The following CGGBP1 variants were observed in gnomAD, a reference collection of about 807,000 sequenced individuals.
CGGBP1 encodes the protein CGG triplet repeat binding protein 1.
CGGBP1 carries 4 observed loss-of-function variants against 11.4 expected under a neutral mutation model. The ratio of observed to expected loss-of-function variants is 0.35; its 90% CI spans 0.17 to 0.80. The LOEUF (loss-of-function observed/expected upper bound fraction) is 0.80. CGGBP1 is among the 30% of genes least tolerant of loss of function. CGGBP1 has a pLI of 0.52. For synonymous variants in CGGBP1, 76 were observed against 74.1 expected, an observed-to-expected ratio of 1.03 and a Z score of -0.13; for missense variants, 135 against 202.1, an observed-to-expected ratio of 0.67 and a Z score of 2.01.
chr3:88,139,476 A>C, intron 2 of CGGBP1: 1 of 1,613,800 alleles, frequency 6.2e-7, no homozygotes, highest in African/African-American at 1.3e-5. Flanking sequence ...GAGGCAGCAA[A>C]TTGCTGCAGC....
intron 2 of CGGBP1, among the ~76,000 whole-genome samples, chr3:88,089,886 A>G (rs1708542856): frequency 6.6e-6 from 1 of 152,212 alleles, no homozygotes; most frequent in South Asian, 2.1e-4. Context: ...GATGTTTCAT[A>G]TGAGATGGTG....
At chr3:88,083,578 C>T (rs1708189207) in intron 2 of CGGBP1, among the ~76,000 whole-genome samples, 1 of 152,114 alleles carries the variant, frequency 6.6e-6, no homozygotes, top group African/African-American at 2.4e-5. Flanking sequence ...TAAATATTCA[C>T]TACAGTAATG....
intron 2 of CGGBP1, among the ~76,000 whole-genome samples, chr3:88,102,972 A>G (rs1704519287): frequency 6.6e-6 from 1 of 151,934 alleles, no homozygotes; most frequent in African/African-American, 2.4e-5. Flanking sequence ...ATAGTTTTTA[A>G]ATCCTACCCT....
chr3:88,099,499 A>G (rs1704272456), intron 2 of CGGBP1, among the ~76,000 whole-genome samples: 1 of 152,180 alleles, frequency 6.6e-6, no homozygotes, highest in Non-Finnish European at 1.5e-5. Context: ...ACGGAACCAA[A>G]AAAGAGCCCG....
At chr3:88,126,003 A>G (rs1412461005) in intron 2 of CGGBP1, 3 of 1,009,638 alleles carry the variant, frequency 3.0e-6, no homozygotes, top group East Asian at 2.7e-5. Context: ...TTAGGTTACA[A>G]TAGTAACCCT....
chr3:88,108,687 G>A (rs540868833), intron 2 of CGGBP1, among the ~76,000 whole-genome samples: 1 of 152,236 alleles, frequency 6.6e-6, no homozygotes, highest in East Asian at 1.9e-4. Flanking sequence ...ACTATCATGA[G>A]TATCACAGTG....
chr3:88,135,865 A>G (rs1437862588), intron 2 of CGGBP1, among the ~76,000 whole-genome samples: 1 of 152,140 alleles, frequency 6.6e-6, no homozygotes, highest in Admixed American at 6.5e-5. Flanking sequence ...TAGCACCATT[A>G]AACTGAATCT....
At chr3:88,063,346 C>T (rs1706996649), upstream of CGGBP1, among the ~76,000 whole-genome samples, 1 of 151,924 alleles carries the variant, frequency 6.6e-6, no homozygotes, top group South Asian at 2.1e-4. Flanking sequence ...TAATGATCCT[C>T]AAATAGTTTT....
chr3:88,133,826 A>G (rs1706606821), intron 2 of CGGBP1, among the ~76,000 whole-genome samples: 1 of 152,194 alleles, frequency 6.6e-6, no homozygotes, highest in African/African-American at 2.4e-5. Flanking sequence ...ACATTGAGAA[A>G]GAATGATAAA....
At position 88,134,990 on chromosome 3, in the gene CGGBP1, G is replaced by A. The variant is rs1485654562; in HGVS notation, c.-229+5980C>T. On this transcript the variant is annotated intron_variant, in intron 2 of 3. Transcript: ENST00000462901. Reference sequence around the variant, plus strand: ...TCCCAGCCAGGGCACTATAGAATCAGGGAAAGATAGCTAATGTCTGTATTT... The same window carrying A: ...TCCCAGCCAGGGCACTATAGAATCAAGGAAAGATAGCTAATGTCTGTATTT... The A allele has an allele frequency of 4.5e-6, 5 of 1,119,328 alleles. No homozygotes were observed. In the Admixed American group the frequency reaches 1.2e-4, roughly 26 times the overall value. The allele number at this position is 1,119,328 out of a possible 1,614,324, so 69.3% of individuals were successfully genotyped here.
At chr3:88,083,042 ACTC>A (rs1265540289) in intron 2 of CGGBP1, among the ~76,000 whole-genome samples, 6 of 122,090 alleles carry the variant, frequency 4.9e-5, no homozygotes, top group South Asian at 2.5e-4. Flanking sequence ...ACTCCTCCTC[ACTC>A]CTCCTCCCTC....
intron 2 of CGGBP1, among the ~76,000 whole-genome samples, chr3:88,065,797 G>A (rs1707162682): frequency 6.6e-6 from 1 of 152,062 alleles, no homozygotes; most frequent in African/African-American, 2.4e-5. Flanking sequence ...TGCCATCTAG[G>A]CTCACTGCAA....
At chr3:88,084,543 G>T (rs1342165859) in intron 2 of CGGBP1, among the ~76,000 whole-genome samples, 1 of 152,138 alleles carries the variant, frequency 6.6e-6, no homozygotes, top group Non-Finnish European at 1.5e-5. Flanking sequence ...AGAGCCAGAC[G>T]AGATACAAGT....
At chr3:88,089,146 G>T (rs1708503002) in intron 2 of CGGBP1, among the ~76,000 whole-genome samples, 1 of 145,150 alleles carries the variant, frequency 6.9e-6, no homozygotes, top group South Asian at 2.2e-4. Flanking sequence ...ATTTGTATTT[G>T]AACTTTTTGA....
At chr3:88,079,604 T>A (rs1319719432) in intron 2 of CGGBP1, among the ~76,000 whole-genome samples, 1 of 152,058 alleles carries the variant, frequency 6.6e-6, no homozygotes, top group Non-Finnish European at 1.5e-5. Flanking sequence ...TTCATGTTGG[T>A]TAACTCTCTG....
rs771064069 is a variant in CGGBP1, at chr3:88,055,902, A to T, written c.75T>A (p.Asp25Glu). ...SKTALYVTPL[D>E]RVTEFGGELH... ...GCTCACCTCCAAACTCAGTGACTCG[A>T]TCCAGGGGAGTCACATACAAAGCAG... Residue 25 changes from aspartate to glutamate, a missense_variant, in exon 4 of 4, where the codon GAT becomes GAA. Transcript: ENST00000482016. This position sits in a 1 kb window ranked among gnomAD's most constrained non-coding sequence, Gnocchi z 4.2. 1.2e-6 allele frequency: 2 copies of T among 1,614,188 alleles called. No individual in the cohort carries two copies. Among genetic ancestry groups the T allele is most frequent in the Non-Finnish European group, 1.7e-6 (2 of 1,180,012 alleles).
intron 2 of CGGBP1, among the ~76,000 whole-genome samples, chr3:88,091,290 A>G (rs1332797768): frequency 1.3e-5 from 2 of 152,226 alleles, no homozygotes; most frequent in African/African-American, 4.8e-5. Flanking sequence ...CTACGTAGAC[A>G]AAAATAATAA....
intron 2 of CGGBP1, chr3:88,135,426 T>A: frequency 3.0e-6 from 1 of 327,976 alleles, no homozygotes. Context: ...ATTGCTTCCA[T>A]TACAACCTTT....
Position 88,107,987 on chromosome 3 carries a change from AT to A in CGGBP1, c.-229+32982del, listed in dbSNP as rs534570272. On this transcript the variant is annotated intron_variant, in intron 2 of 3. Transcript: ENST00000462901. ...TGTTGTGGTTTTTATTGTTCTTATC[AT>A]TTTTTTTTGTTTATATTGTGTTTGT... Among the ~76,000 whole-genome samples, 1,268 of 149,896 alleles carry A rather than the reference AT, an allele frequency of 8.5e-3. 10 individuals carry two copies. Among genetic ancestry groups the A allele is most frequent in the African/African-American group, 0.03 (1,223 of 40,834 alleles).
Sources: gnomAD v4.1 joint callset for allele counts (sites outside exome capture counted in the v4.1 genomes callset) on GRCh38, gnomAD v4.1.1 for gene constraint, Gnocchi (gnomAD v3.1) non-coding constraint, MANE v1.5 for transcripts, NCBI Gene and HGNC (gene_info 2026-07-23, HGNC 2026-07-21) for gene names.